The following MACROD2 variants were observed in gnomAD, a reference collection of about 807,000 sequenced individuals.
MACROD2 encodes the protein ADP-ribose glycohydrolase MACROD2.
A neutral mutation model predicts 70.4 loss-of-function variants in MACROD2; 36 were observed. The ratio of observed to expected loss-of-function variants is 0.51; its 90% CI spans 0.39 to 0.68. The LOEUF (loss-of-function observed/expected upper bound fraction) is 0.68, where lower values mean the gene tolerates loss of function less well. Ranked by LOEUF, MACROD2 falls within the 30% of genes least tolerant of loss-of-function variation. The pLI is 0.00. For synonymous variants in MACROD2, 172 were observed against 178.8 expected (o/e 0.96, Z 0.30); for missense variants, 496 against 538.4 (o/e 0.92, Z 0.78).
intron 3 of MACROD2, among the ~76,000 whole-genome samples, chr20:14,362,053 T>C (rs981037780): frequency 1.9e-4 from 29 of 152,368 alleles, no homozygotes; most frequent in Non-Finnish European, 3.8e-4. Flanking sequence ...GTTTGCCCAG[T>C]AGGCCAAGTG....
chr20:14,605,245 G>C (rs1982727850), intron 4 of MACROD2, among the ~76,000 whole-genome samples: 1 of 152,118 alleles, frequency 6.6e-6, no homozygotes, highest in Non-Finnish European at 1.5e-5. Context: ...CCAAGGTGTT[G>C]GCAGGTTTGG....
chr20:14,966,669 T>G (rs1167450552), intron 5 of MACROD2, among the ~76,000 whole-genome samples: 1 of 152,220 alleles, frequency 6.6e-6, no homozygotes, highest in Non-Finnish European at 1.5e-5. Context: ...TAGTTTTGCC[T>G]GTTCTTGAAC....
chr20:16,006,724 G>A (rs537250599), intron 15 of MACROD2, among the ~76,000 whole-genome samples: 1 of 152,280 alleles, frequency 6.6e-6, no homozygotes, highest in East Asian at 1.9e-4. Flanking sequence ...TCAAGTGGGA[G>A]GCTCGGAGGC....
chr20:14,815,991 A>T (rs541076788), intron 5 of MACROD2, among the ~76,000 whole-genome samples: 25 of 152,006 alleles, frequency 1.6e-4, no homozygotes, highest in Non-Finnish European at 2.2e-4. Flanking sequence ...TGCTGATTTT[A>T]CTCCTGAATA....
At chr20:15,817,565 C>T (rs550120286) in intron 8 of MACROD2, among the ~76,000 whole-genome samples, 5 of 152,274 alleles carry the variant, frequency 3.3e-5, no homozygotes, top group African/African-American at 1.2e-4. Flanking sequence ...TCTGACATAC[C>T]ATTGTTCACC....
intron 3 of MACROD2, among the ~76,000 whole-genome samples, chr20:14,198,863 G>T (rs2081455571): frequency 6.6e-6 from 1 of 152,156 alleles, no homozygotes; most frequent in East Asian, 1.9e-4. Flanking sequence ...CAGTGATGGG[G>T]ATTGCTGACC....
intron 8 of MACROD2, among the ~76,000 whole-genome samples, chr20:15,714,708 AAAAAT>A (rs1290267873): frequency 6.6e-6 from 1 of 152,166 alleles, no homozygotes; most frequent in Non-Finnish European, 1.5e-5. Context: ...TATACTTTTT[AAAAAT>A]TTTTACTAAT....
At chr20:15,405,920 C>G (rs2045993868) in intron 6 of MACROD2, among the ~76,000 whole-genome samples, 1 of 152,160 alleles carries the variant, frequency 6.6e-6, no homozygotes, top group South Asian at 2.1e-4. Context: ...ACTCAGCCCA[C>G]TTTTGCTCAC....
chr20:15,905,538 A>C (rs1004714757), intron 10 of MACROD2, among the ~76,000 whole-genome samples: 1 of 152,224 alleles, frequency 6.6e-6, no homozygotes, highest in Admixed American at 6.5e-5. Context: ...GGGTTTATAG[A>C]ACTAAAGCAT....
chr20:14,041,688 A>G (rs778994877), intron 2 of MACROD2, among the ~76,000 whole-genome samples: 78 of 152,212 alleles, frequency 5.1e-4, no homozygotes, highest in Non-Finnish European at 9.7e-4. Flanking sequence ...GTTTCTGAGT[A>G]GAAAAGTAGA....
intron 5 of MACROD2, among the ~76,000 whole-genome samples, chr20:15,186,189 G>T (rs2076533542): frequency 1.3e-5 from 2 of 152,014 alleles, no homozygotes; most frequent in South Asian, 4.1e-4. Flanking sequence ...CATTTTGGGG[G>T]TATCTGCTTT....
rs115890859 is a variant in MACROD2, at chr20:14,428,623, G to A, written c.272-64856G>A. Among the ~76,000 whole-genome samples the A allele has an allele frequency of 1.6e-3, 251 of 152,224 alleles. 2 individuals are homozygous for A. The highest frequency in any genetic ancestry group is 6.0e-3 in the African/African-American group (248 of 41,548). Reference sequence around the variant, plus strand: ...AAGAGATAAATCTTTTGCAATCAATGTCGGCAATAGAGTTGATTTGCAGCA... The same window carrying A: ...AAGAGATAAATCTTTTGCAATCAATATCGGCAATAGAGTTGATTTGCAGCA... On this transcript the variant is annotated intron_variant, in intron 3 of 17. Transcript: ENST00000684519.
intron 2 of MACROD2, among the ~76,000 whole-genome samples, chr20:14,054,541 GT>G (rs1030592515): frequency 6.6e-6 from 1 of 152,032 alleles, no homozygotes; most frequent in African/African-American, 2.4e-5. Flanking sequence ...AAAGGGCTGA[GT>G]TTTAAACTCC....
intron 5 of MACROD2, among the ~76,000 whole-genome samples, chr20:14,711,221 T>C (rs1008437479): frequency 1.3e-5 from 2 of 152,214 alleles, no homozygotes; most frequent in African/African-American, 4.8e-5. Flanking sequence ...CTTTGATTTA[T>C]TGGAACCTCT....
At chr20:14,776,511 C>A (rs1385621836) in intron 5 of MACROD2, among the ~76,000 whole-genome samples, 2 of 151,992 alleles carry the variant, frequency 1.3e-5, no homozygotes, top group African/African-American at 4.8e-5. Flanking sequence ...CCCTTTCTAG[C>A]CACATATGGC....
chr20:15,570,876 A>G (rs920132547), intron 8 of MACROD2, among the ~76,000 whole-genome samples: 1 of 152,152 alleles, frequency 6.6e-6, no homozygotes, highest in Non-Finnish European at 1.5e-5. Context: ...TGCCAGATCC[A>G]CAGACAAAAA....
chr20:15,998,596 G>T (rs1383895105), intron 15 of MACROD2, among the ~76,000 whole-genome samples: 13 of 119,608 alleles, frequency 1.1e-4, no homozygotes, highest in Non-Finnish European at 1.5e-4. Flanking sequence ...ACGGAGTCTT[G>T]CTCTGTCCCC....
chr20:14,330,013 T>G (rs1421192669), intron 3 of MACROD2, among the ~76,000 whole-genome samples: 3 of 152,030 alleles, frequency 2.0e-5, no homozygotes, highest in African/African-American at 7.2e-5. Context: ...GAGAATACTG[T>G]TCTAATTTTC....
intron 3 of MACROD2, among the ~76,000 whole-genome samples, chr20:14,490,689 A>T (rs1159935644): frequency 6.6e-6 from 1 of 152,108 alleles, no homozygotes; most frequent in Non-Finnish European, 1.5e-5. Context: ...GTGAAACTCA[A>T]GGATTAATAG....
Sources: gnomAD v4.1 joint callset for allele counts (sites outside exome capture counted in the v4.1 genomes callset) on GRCh38, gnomAD v4.1.1 for gene constraint, MANE v1.5 for transcripts, NCBI Gene and HGNC (gene_info 2026-07-23, HGNC 2026-07-21) for gene names.